The following TIFA variants were observed in gnomAD, a reference collection of about 807,000 sequenced individuals.
TIFA encodes the protein TRAF interacting protein with forkhead associated domain, also known as TRAF-interacting protein with FHA domain-containing protein A.
For missense variants in TIFA, 186 were observed against 215.2 expected, an observed-to-expected ratio of 0.86 and a Z score of 0.85; for synonymous variants, 75 against 79.2, an observed-to-expected ratio of 0.95 and a Z score of 0.28.
In TIFA at chr4:112,274,802, A is replaced by T. The variant is rs1727074378; in HGVS notation, c.*3060T>A. Reference sequence around the variant, plus strand: ...AAACAAATACCACCACTTATGTTAGAGTCTAACAGTAATACTTACTTTTAA... The same window carrying T: ...AAACAAATACCACCACTTATGTTAGTGTCTAACAGTAATACTTACTTTTAA... On this transcript the variant is annotated 3_prime_UTR_variant, in exon 2 of 2. Coordinates refer to ENST00000361717, the MANE Select transcript of TIFA (RefSeq NM_052864.3). 1 of 152,194 alleles carries T rather than the reference A, an allele frequency of 6.6e-6. No homozygotes were observed. The highest frequency in any genetic ancestry group is 2.4e-5 in the African/African-American group (1 of 41,442). The allele number at this position is 152,194 out of a possible 1,614,324, so 9.4% of individuals were successfully genotyped here. A position where few individuals can be genotyped will look rare whatever the true frequency, so the allele number is the denominator to read the frequency against.
intron 1 of TIFA, among the ~76,000 whole-genome samples, chr4:112,280,675 T>C (rs762109597): frequency 3.9e-5 from 6 of 152,188 alleles, no homozygotes; most frequent in African/African-American, 7.2e-5. Context: ...TAAAATATAA[T>C]CTTTCCTTCT....
chr4:112,274,834 T>C lies in TIFA; in HGVS notation c.*3028A>G, dbSNP rs1013920323. The C allele has an allele frequency of 9.2e-5, 14 of 152,216 alleles. No homozygotes were observed. The highest frequency in any genetic ancestry group is 3.4e-4 in the African/African-American group (14 of 41,456). The allele number at this position is 152,216 out of a possible 1,614,324, so 9.4% of individuals were successfully genotyped here. On this transcript the variant is annotated 3_prime_UTR_variant, in exon 2 of 2. Coordinates refer to ENST00000361717, the MANE Select transcript of TIFA (RefSeq NM_052864.3). ...CAGTAATACTTACTTTTAAGTCAGT[T>C]ACTGCATTAGATAGTAGGAACAGAA...
intron 1 of TIFA, among the ~76,000 whole-genome samples, chr4:112,282,286 G>C (rs1414665993): frequency 6.6e-6 from 1 of 152,046 alleles, no homozygotes; most frequent in Non-Finnish European, 1.5e-5. Flanking sequence ...TAAATTACCC[G>C]GTCTCAGGTA....
intron 1 of TIFA, among the ~76,000 whole-genome samples, chr4:112,283,538 AT>A (rs1322399169): frequency 1.3e-5 from 2 of 152,216 alleles, no homozygotes; most frequent in Non-Finnish European, 2.9e-5. Context: ...ACACTCTGAC[AT>A]TTCAGAGTGG....
At chr4:112,284,486 T>G (rs1474705248) in intron 1 of TIFA, among the ~76,000 whole-genome samples, 2 of 152,146 alleles carry the variant, frequency 1.3e-5, no homozygotes, top group Non-Finnish European at 2.9e-5. Flanking sequence ...CACCCCTGGG[T>G]GGTCATGCAT....
chr4:112,282,680 T>C (rs1206659778), intron 1 of TIFA, among the ~76,000 whole-genome samples: 1 of 152,150 alleles, frequency 6.6e-6, no homozygotes, highest in African/African-American at 2.4e-5. Flanking sequence ...AACTCACACC[T>C]ACTAGGAGGG....
intron 1 of TIFA, among the ~76,000 whole-genome samples, chr4:112,279,970 A>G (rs570854963): frequency 6.6e-6 from 1 of 152,156 alleles, no homozygotes; most frequent in South Asian, 2.1e-4. Flanking sequence ...TGCCTGACCA[A>G]TTTTTCAATT....
chr4:112,280,715 A>G (rs925422191), intron 1 of TIFA, among the ~76,000 whole-genome samples: 1 of 152,172 alleles, frequency 6.6e-6, no homozygotes, highest in African/African-American at 2.4e-5. Flanking sequence ...CTGGGAATCA[A>G]ACTCTCAATT....
In TIFA at chr4:112,285,016, G is replaced by A. The variant is rs113802224; in HGVS notation, c.-19+624C>T. Among the ~76,000 whole-genome samples the A allele has an allele frequency of 8.2e-3, 1,243 of 152,254 alleles. 13 individuals carry two copies. Among genetic ancestry groups the A allele is most frequent in the African/African-American group, 0.028 (1,162 of 41,548 alleles). ...CTTGACTGGCCTGACCTGGGGTCCA[G>A]TCCCACTTCCTGGTGGCTGCGGAAA... On this transcript the variant is annotated intron_variant, in intron 1 of 1. Coordinates refer to ENST00000361717, the MANE Select transcript of TIFA (RefSeq NM_052864.3).
In TIFA at chr4:112,274,907, T is replaced by C. The variant is rs1377184036; in HGVS notation, c.*2955A>G. On this transcript the variant is annotated 3_prime_UTR_variant, in exon 2 of 2. Coordinates refer to ENST00000361717, the MANE Select transcript of TIFA (RefSeq NM_052864.3). ...GCCTATGAGATTTAACCACTGGAGT[T>C]GCAGGTTCAAGAAGAGACTGCCAAG... 1 of 152,130 alleles carries C rather than the reference T, an allele frequency of 6.6e-6. No individual in the cohort carries two copies. The highest frequency in any genetic ancestry group is 1.5e-5 in the Non-Finnish European group (1 of 68,020). 9.4% of individuals were successfully genotyped at this position (152,130 alleles called of 1,614,324 possible).
intron 1 of TIFA, among the ~76,000 whole-genome samples, chr4:112,280,033 C>G (rs886691975): frequency 6.6e-6 from 1 of 152,150 alleles, no homozygotes; most frequent in Non-Finnish European, 1.5e-5. Flanking sequence ...AAATATACCT[C>G]ATTCTTTAAC....
rs1295516334 is a variant in TIFA, at chr4:112,276,363, T to A, written c.*1499A>T. 6.5e-6 allele frequency: 1 copy of A among 153,314 alleles called. No homozygotes were observed. Among genetic ancestry groups the A allele is most frequent in the Non-Finnish European group, 1.5e-5 (1 of 68,064 alleles). 9.5% of individuals were successfully genotyped at this position (153,314 alleles called of 1,614,324 possible). On this transcript the variant is annotated 3_prime_UTR_variant, in exon 2 of 2. Transcript: ENST00000361717. Reference sequence around the variant, plus strand: ...TCTGCCTCTCTTCCACTTTTACGGATCCGGTGATCAATTGGGCACACCCAG... The same window carrying A: ...TCTGCCTCTCTTCCACTTTTACGGAACCGGTGATCAATTGGGCACACCCAG...
At position 112,278,572 on chromosome 4, in the gene TIFA, A is replaced by T. The variant is rs2110505518; in HGVS notation, c.-18-138T>A. 7 of 638,190 alleles carry T rather than the reference A, an allele frequency of 1.1e-5. No homozygotes were observed. The South Asian group carries it at 1.9e-4, about 18-fold the overall frequency. The allele number at this position is 638,190 out of a possible 1,614,324, so 39.5% of individuals were successfully genotyped here. On this transcript the variant is annotated intron_variant, in intron 1 of 1. Coordinates refer to ENST00000361717, the MANE Select transcript of TIFA (RefSeq NM_052864.3). ...AAAACAGTACATAGACAATACTTTCAGTGAACTAGTAGATATGTGAAATCT... is the reference window on the plus strand; with the variant it reads ...AAAACAGTACATAGACAATACTTTCTGTGAACTAGTAGATATGTGAAATCT...
intron 1 of TIFA, among the ~76,000 whole-genome samples, chr4:112,285,078 G>C (rs1727297324): frequency 6.6e-6 from 1 of 152,114 alleles, no homozygotes; most frequent in African/African-American, 2.4e-5. Context: ...TGGCTTCAGA[G>C]GATTTGGGAA....
chr4:112,283,908 T>G (rs1184027231), intron 1 of TIFA, among the ~76,000 whole-genome samples: 1 of 152,230 alleles, frequency 6.6e-6, no homozygotes, highest in Middle Eastern at 3.2e-3. Context: ...GGTTGGAGAT[T>G]AGCAAAGTAT....
In TIFA at chr4:112,276,606, A is replaced by T. The variant is rs1016101854; in HGVS notation, c.*1256T>A. ...TGTACAGGGACAAATATTTCACTCT[A>T]CTGGAATAGTCCCAGGGCTGGGGAG... On this transcript the variant is annotated 3_prime_UTR_variant, in exon 2 of 2. Coordinates refer to ENST00000361717, the MANE Select transcript of TIFA (RefSeq NM_052864.3). 1 of 152,228 alleles carries T rather than the reference A, an allele frequency of 6.6e-6. No homozygotes were observed. Among genetic ancestry groups the T allele is most frequent in the African/African-American group, 2.4e-5 (1 of 41,422 alleles). 9.4% of individuals were successfully genotyped at this position (152,228 alleles called of 1,614,324 possible).
At chr4:112,284,875 T>C (rs1727291656) in intron 1 of TIFA, among the ~76,000 whole-genome samples, 1 of 138,904 alleles carries the variant, frequency 7.2e-6, no homozygotes, top group Non-Finnish European at 1.5e-5. Context: ...AAACCACAGG[T>C]CTTGCAAAAA....
At position 112,275,418 on chromosome 4, in the gene TIFA, C is replaced by A. The variant is rs557872319; in HGVS notation, c.*2444G>T. The A allele has an allele frequency of 1.3e-5, 2 of 152,256 alleles. No homozygotes were observed. The highest frequency in any genetic ancestry group is 4.2e-4 in the South Asian group (2 of 4,818). The allele number at this position is 152,256 out of a possible 1,614,324, so 9.4% of individuals were successfully genotyped here. A position where few individuals can be genotyped will look rare whatever the true frequency, so the allele number is the denominator to read the frequency against. ...AATATGGTAGCTTTCCTCTAACAAC[C>A]CCGCTTTGGGGTTGGGTAGCTCAGG... is the stretch of plus-strand genomic sequence containing the variant. On this transcript the variant is annotated 3_prime_UTR_variant, in exon 2 of 2. Transcript: ENST00000361717.
intron 1 of TIFA, among the ~76,000 whole-genome samples, chr4:112,278,991 T>C (rs1190271165): frequency 3.9e-5 from 6 of 152,252 alleles, no homozygotes; most frequent in Non-Finnish European, 8.8e-5. Context: ...ATATCCTCAC[T>C]TTGATTTCTA....
Sources: gnomAD v4.1 joint callset for allele counts (sites outside exome capture counted in the v4.1 genomes callset) on GRCh38, gnomAD v4.1.1 for gene constraint, MANE v1.5 for transcripts, NCBI Gene and HGNC (gene_info 2026-07-23, HGNC 2026-07-21) for gene names.